Variants in ARID1A observed in about 807,000 individuals in gnomAD.
The protein encoded by ARID1A is AT-rich interaction domain 1A.
ARID1A carries 20 observed loss-of-function variants against 212.6 expected under a neutral mutation model. That is an observed-to-expected ratio of 0.09 (90% CI 0.07 to 0.14). The LOEUF (loss-of-function observed/expected upper bound fraction) is 0.14. Ranked by LOEUF, ARID1A falls within the 10% of genes least tolerant of loss-of-function variation. The pLI, the probability that ARID1A is intolerant of heterozygous loss-of-function variation, is 1.00. For missense variants in ARID1A, 2,587 were observed against 3,059.0 expected (o/e 0.85, Z 3.64); for synonymous variants, 1,376 against 1,222.1 (o/e 1.13, Z -2.63).
At chr1:26,734,526 C>A (rs923420006) in intron 4 of ARID1A, among the ~76,000 whole-genome samples, 8 of 152,072 alleles carry the variant, frequency 5.3e-5, no homozygotes, top group Non-Finnish European at 1.0e-4. Context: ...AACATTCCCA[C>A]GTTTGGGCTT....
In ARID1A at chr1:26,696,664, A is replaced by T. The variant is rs922383490; in HGVS notation, c.261A>T (p.Gly87=). ...GCAATGGGGGTGGCGGCGGCGGCGG[A>T]GCCGGCAGCGGCGGCGGGCCCGGCG... ...AESNGGGGGG[G]AGSGGGPGAE... Residue 87 remains glycine, a synonymous_variant, in exon 1 of 20, where the codon GGA becomes GGT. Transcript: ENST00000324856. 1 of 1,310,372 alleles carries T rather than the reference A, an allele frequency of 7.6e-7. No individual in the cohort carries two copies. Among genetic ancestry groups the T allele is most frequent in the Non-Finnish European group, 9.7e-7 (1 of 1,032,958 alleles). The allele number at this position is 1,310,372 out of a possible 1,614,324, so 81.2% of individuals were successfully genotyped here.
At chr1:26,725,550 C>CATAA (rs1345532581) in intron 1 of ARID1A, among the ~76,000 whole-genome samples, 1 of 152,160 alleles carries the variant, frequency 6.6e-6, no homozygotes, top group African/African-American at 2.4e-5. Context: ...TTCTGTTGAT[C>CATAA]ATAAGCCTTT....
At chr1:26,734,343 C>CTTTTTTTTTTTTTTTTTTTTTTTT (rs55976597) in intron 4 of ARID1A, among the ~76,000 whole-genome samples, 1 of 121,474 alleles carries the variant, frequency 8.2e-6, no homozygotes, top group Non-Finnish European at 1.7e-5. Context: ...TATTTGGCTT[C>CTTTTTTTTTTTTTTTTTTTTTTTT]TTTTTTTTTT....
At chr1:26,742,600 C>T (rs1346282835) in intron 4 of ARID1A, among the ~76,000 whole-genome samples, 1 of 152,146 alleles carries the variant, frequency 6.6e-6, no homozygotes, top group Admixed American at 6.5e-5. Context: ...TTAATAAGAT[C>T]TCTAAGTGAT....
In ARID1A at chr1:26,774,525, A is replaced by G; in HGVS notation, c.4298A>G (p.Asn1433Ser). Residue 1433 changes from asparagine (N) to serine (S), a missense_variant, in exon 18 of 20, where the codon AAT (asparagine) becomes AGT (serine). Asn to Ser is a conservative substitution (Grantham distance 46, BLOSUM62 1). This residue lies in a region of ARID1A where 890 missense variants were observed against 1,098.2 expected (regional missense o/e 0.81). Transcript: ENST00000324856. The surrounding 1 kb of genome is among the most constrained non-coding windows in gnomAD (Gnocchi z 5.6). ...CAAGATGTATACAACCAGTATGGCA[A>G]TGCCTATCCTGCCACTGCCACAGCT... is the stretch of plus-strand genomic sequence containing the variant. ...PQQDVYNQYGNAYPATATAAT... is the reference protein window; with the variant it reads ...PQQDVYNQYGSAYPATATAAT... The G allele has an allele frequency of 1.9e-6, 3 of 1,614,092 alleles. No homozygotes were observed. Among genetic ancestry groups the G allele is most frequent in the Non-Finnish European group, 2.5e-6 (3 of 1,179,986 alleles).
chr1:26,773,131 C>CT (rs2081098668), intron 14 of ARID1A, 144 bp downstream of exon 14: 1 of 1,283,668 alleles, frequency 7.8e-7, no homozygotes, highest in Non-Finnish European at 1.1e-6. Context: ...CCTCTTCATC[C>CT]TTACCTCCTT....
intron 1 of ARID1A, among the ~76,000 whole-genome samples, chr1:26,723,106 C>A (rs1180388334): frequency 6.6e-6 from 1 of 152,008 alleles, no homozygotes; most frequent in South Asian, 2.1e-4. Context: ...GGATAAGGGG[C>A]GTTAGATACA....
intron 1 of ARID1A, among the ~76,000 whole-genome samples, chr1:26,710,820 A>C (rs113707243): frequency 5.0e-4 from 76 of 152,304 alleles, no homozygotes; most frequent in African/African-American, 1.7e-3. Context: ...TTTTATGTCT[A>C]TGTGCCCTCC....
chr1:26,702,025 A>G (rs1266499817), intron 1 of ARID1A, among the ~76,000 whole-genome samples: 1 of 152,112 alleles, frequency 6.6e-6, no homozygotes, highest in African/African-American at 2.4e-5. Context: ...TCATAAGTTC[A>G]GTGTTGATAT....
chr1:26,774,374 C>T lies in ARID1A; in HGVS notation c.4147C>T (p.Arg1383Trp), dbSNP rs1433790061. Residue 1383 changes from arginine to tryptophan, a missense_variant, in exon 18 of 20, where the codon CGG becomes TGG. Arg to Trp is a moderately radical substitution (Grantham distance 101). Around this residue, in one of 11 missense-constraint regions of ARID1A, gnomAD observed 890 missense variants for 1,098.2 expected, o/e 0.81. Coordinates refer to ENST00000324856, the MANE Select transcript of ARID1A (RefSeq NM_006015.6). This position sits in a 1 kb window ranked among gnomAD's most constrained non-coding sequence, Gnocchi z 5.6. ...TGGCACATATGGCCCTCCTGCCAAG[C>T]GGCACGAAGGGGAGATGTACAGCGT... The part of the protein sequence containing the change: ...MDGTYGPPAK[R>W]HEGEMYSVPY... The T allele has an allele frequency of 1.9e-6, 3 of 1,565,414 alleles. No homozygotes were observed. Among genetic ancestry groups the T allele is most frequent in the South Asian group, 1.2e-5 (1 of 85,080 alleles).
In ARID1A at chr1:26,760,961, C is replaced by G. The variant is rs2124055197; in HGVS notation, c.2026C>G (p.Pro676Ala). 7 of 1,614,056 alleles carry G rather than the reference C, an allele frequency of 4.3e-6. No homozygotes were observed. Among genetic ancestry groups the G allele is most frequent in the Non-Finnish European group, 5.9e-6 (7 of 1,180,024 alleles). The change falls in exon 5 of 20, where the codon CCA (proline) becomes GCA (alanine). Residue 676 changes from proline to alanine, a missense_variant. Coordinates refer to ENST00000324856, the MANE Select transcript of ARID1A (RefSeq NM_006015.6). ...ISSSQGEQSN[P>A]AQSPFSPHTS... ...CAGCAGCCAAGGAGAGCAGAGTAATCCAGCTCAGTCTCCTTTCTCTCCTCA... is the reference window on the plus strand; with the variant it reads ...CAGCAGCCAAGGAGAGCAGAGTAATGCAGCTCAGTCTCCTTTCTCTCCTCA...
At chr1:26,754,708 A>G (rs550011947) in intron 4 of ARID1A, among the ~76,000 whole-genome samples, 1 of 152,334 alleles carries the variant, frequency 6.6e-6, no homozygotes, top group South Asian at 2.1e-4. Flanking sequence ...TGGAGAGAGA[A>G]AGCCAGCATG....
chr1:26,755,481 C>T (rs1160872795), intron 4 of ARID1A, among the ~76,000 whole-genome samples: 1 of 152,208 alleles, frequency 6.6e-6, no homozygotes, highest in Non-Finnish European at 1.5e-5. Context: ...CTCCAAGAAG[C>T]TCAGGGCACT....
In ARID1A at chr1:26,696,628, C is replaced by T. The variant is rs1420823262; in HGVS notation, c.225C>T (p.Asp75=). The change falls in exon 1 of 20, where the codon GAC becomes GAT. Residue 75 remains aspartate (D), a synonymous_variant. Coordinates refer to ENST00000324856, the MANE Select transcript of ARID1A (RefSeq NM_006015.6). ...AGCCGCTGGGAAAGGAGCTGCAGGA[C>T]GGGGCCGAGAGCAATGGGGGTGGCG... is the stretch of plus-strand genomic sequence containing the variant. The part of the protein sequence containing the change: ...PPQPLGKELQ[D]GAESNGGGGG... 1.6e-6 allele frequency: 2 copies of T among 1,271,272 alleles called. No individual in the cohort carries two copies. Among genetic ancestry groups the T allele is most frequent in the African/African-American group, 1.6e-5 (1 of 64,034 alleles). 78.7% of individuals were successfully genotyped at this position (1,271,272 alleles called of 1,614,324 possible).
chr1:26,777,028 A>G (rs2081142736), intron 19 of ARID1A, among the ~76,000 whole-genome samples: 1 of 152,182 alleles, frequency 6.6e-6, no homozygotes, highest in Non-Finnish European at 1.5e-5. Flanking sequence ...ACAACCCTGT[A>G]AAGTTTAGGA....
Position 26,697,134 on chromosome 1 carries a change from C to T in ARID1A, c.731C>T (p.Ala244Val), listed in dbSNP as rs761657755. 6.3e-6 allele frequency: 9 copies of T among 1,435,548 alleles called. No individual in the cohort carries two copies. Among genetic ancestry groups the T allele is most frequent in the Non-Finnish European group, 4.6e-6 (5 of 1,098,530 alleles). The allele number at this position is 1,435,548 out of a possible 1,614,324, so 88.9% of individuals were successfully genotyped here. The change falls in exon 1 of 20, where the codon GCG (alanine) becomes GTG (valine). Residue 244 changes from alanine to valine, a missense_variant. Around this residue, in one of 11 missense-constraint regions of ARID1A, gnomAD observed 735 missense variants for 590.6 expected, o/e 1.24. Transcript: ENST00000324856. The stretch of plus-strand genomic sequence containing the variant: ...GGTGGCACTCCGGGCTCCGGCGCGG[C>T]GGCGGCTGCCGGCTCCAAGCCGCCT... ...PRGGTPGSGA[A>V]AAAGSKPPPS...
chr1:26,719,327 A>G (rs1346731924), intron 1 of ARID1A, among the ~76,000 whole-genome samples: 2 of 152,204 alleles, frequency 1.3e-5, no homozygotes, highest in East Asian at 3.9e-4. Context: ...AATTTGGGGA[A>G]GCTTGATTTT....
chr1:26,699,101 G>A (rs1313607456), intron 1 of ARID1A, among the ~76,000 whole-genome samples: 1 of 152,066 alleles, frequency 6.6e-6, no homozygotes, highest in Non-Finnish European at 1.5e-5. Flanking sequence ...TTTCTGTTTT[G>A]TCATCAGTCA....
chr1:26,771,406 C>T lies in ARID1A; in HGVS notation c.3406+80C>T, dbSNP rs2124099316. 1 of 1,423,910 alleles carries T rather than the reference C, an allele frequency of 7.0e-7. No homozygotes were observed. The highest frequency in any genetic ancestry group is 2.3e-5 in the East Asian group (1 of 42,668). The allele number at this position is 1,423,910 out of a possible 1,614,324, so 88.2% of individuals were successfully genotyped here. ...TCTTATTCAGGATATGAATAAGAGGCTTATCCAACAGGATATGCCAAGGAT... is the reference window on the plus strand; with the variant it reads ...TCTTATTCAGGATATGAATAAGAGGTTTATCCAACAGGATATGCCAAGGAT... On this transcript the variant is annotated intron_variant, in intron 12 of 19. Coordinates refer to ENST00000324856, the MANE Select transcript of ARID1A (RefSeq NM_006015.6). This position sits in a 1 kb window ranked among gnomAD's most constrained non-coding sequence, Gnocchi z 5.4.
Sources: gnomAD v4.1 joint callset for allele counts (sites outside exome capture counted in the v4.1 genomes callset) on GRCh38, gnomAD v4.1.1 for gene constraint, gnomAD v4.1.1 regional missense constraint, Gnocchi (gnomAD v3.1) non-coding constraint, MANE v1.5 for transcripts, NCBI Gene and HGNC (gene_info 2026-07-23, HGNC 2026-07-21) for gene names.